Variants in LRRN1 observed in about 807,000 individuals in gnomAD.
LRRN1 encodes the protein leucine-rich repeat neuronal protein 1.
Under a neutral mutation model 45.8 loss-of-function variants are expected in LRRN1, and 14 were observed. The ratio of observed to expected loss-of-function variants is 0.31; its 90% CI spans 0.20 to 0.48. The LOEUF is 0.48. LRRN1 is among the 20% of genes least tolerant of loss of function. The probability of loss-of-function intolerance (pLI) is 0.99; values close to 1 mark genes in which losing one functional copy is unlikely to be tolerated. For missense variants in LRRN1, 789 were observed against 874.2 expected (o/e 0.90, Z 1.23); for synonymous variants, 359 against 330.1 (o/e 1.09, Z -0.95).
intron 1 of LRRN1, among the ~76,000 whole-genome samples, chr3:3,824,414 A>C (rs1472337778): frequency 6.6e-6 from 1 of 152,208 alleles, no homozygotes; most frequent in African/African-American, 2.4e-5. Context: ...AGAGAAATTT[A>C]ACTTACACAT....
Position 3,846,797 on chromosome 3 carries a change from G to C in LRRN1, c.*5G>C, listed in dbSNP as rs777216303. 1 of 1,581,666 alleles carries C rather than the reference G, an allele frequency of 6.3e-7. No homozygotes were observed. Among genetic ancestry groups the C allele is most frequent in the East Asian group, 2.2e-5 (1 of 44,532 alleles). ...AGAAGCTATTACATGTGGTAACTCA[G>C]AGGATATTTTGCTTCTGGTAGTAAG... On this transcript the variant is annotated 3_prime_UTR_variant, in exon 2 of 2. Transcript: ENST00000319331. The surrounding 1 kb of genome is among the most constrained non-coding windows in gnomAD (Gnocchi z 5.7).
intron 1 of LRRN1, chr3:3,804,113 T>G (rs1374610079): frequency 6.6e-6 from 1 of 152,236 alleles, no homozygotes; most frequent in African/African-American, 2.4e-5. Context: ...TTCTACTTTT[T>G]GAATGTTTTC....
At chr3:3,815,807 A>G (rs1692975302) in intron 1 of LRRN1, among the ~76,000 whole-genome samples, 1 of 152,170 alleles carries the variant, frequency 6.6e-6, no homozygotes, top group African/African-American at 2.4e-5. Context: ...CCTTAAATCA[A>G]AAACTCTACA....
chr3:3,821,950 C>A (rs1480642383), intron 1 of LRRN1, among the ~76,000 whole-genome samples: 1 of 152,152 alleles, frequency 6.6e-6, no homozygotes, highest in Non-Finnish European at 1.5e-5. Context: ...GTTCCTCACT[C>A]CATGAGATGC....
intron 1 of LRRN1, among the ~76,000 whole-genome samples, chr3:3,838,312 A>C (rs1048005276): frequency 1.3e-5 from 2 of 152,216 alleles, no homozygotes; most frequent in Admixed American, 1.3e-4. Context: ...AAGAAAATCA[A>C]GGCAATACCA....
At chr3:3,803,336 C>G (rs1037319603) in intron 1 of LRRN1, among the ~76,000 whole-genome samples, 2 of 152,148 alleles carry the variant, frequency 1.3e-5, no homozygotes, top group African/African-American at 4.8e-5. Flanking sequence ...GCTTTTTATA[C>G]CACCATAAGT....
chr3:3,810,222 CTAAA>C (rs1172540169), intron 1 of LRRN1, among the ~76,000 whole-genome samples: 12 of 152,008 alleles, frequency 7.9e-5, no homozygotes, highest in Non-Finnish European at 1.8e-4. Flanking sequence ...ATCACATTTT[CTAAA>C]TAAAGAGAAT....
intron 1 of LRRN1, among the ~76,000 whole-genome samples, chr3:3,818,046 G>A (rs1468696475): frequency 2.6e-5 from 4 of 152,186 alleles, no homozygotes; most frequent in Non-Finnish European, 5.9e-5. Context: ...TGGTGTATGT[G>A]TAGTGTTGAA....
rs572716175 is a variant in LRRN1 at position 3,811,639 on chromosome 3, A to G, written c.-279+11720A>G. On this transcript the variant is annotated intron_variant, in intron 1 of 1. Transcript: ENST00000319331. ...ATGTTACTGCTTTAGAGAGCTTATT[A>G]TAGAAAGTTGAACTCATTTGGGAAT... is the stretch of plus-strand genomic sequence containing the variant. Among the ~76,000 whole-genome samples the G allele has an allele frequency of 6.6e-5, 10 of 152,342 alleles. No individual in the cohort carries two copies. In the South Asian group the frequency reaches 1.9e-3, roughly 28 times the overall value.
intron 1 of LRRN1, among the ~76,000 whole-genome samples, chr3:3,814,595 C>A (rs1386026495): frequency 6.6e-6 from 1 of 152,062 alleles, no homozygotes; most frequent in Non-Finnish European, 1.5e-5. Flanking sequence ...AGAAGTGGGG[C>A]CTTTTGGGAA....
intron 1 of LRRN1, among the ~76,000 whole-genome samples, chr3:3,819,845 G>A (rs567424316): frequency 6.0e-4 from 92 of 152,150 alleles, no homozygotes; most frequent in Non-Finnish European, 1.3e-3. Context: ...AATGGTGTAG[G>A]CATTTTGTGC....
rs1405233965 is a variant in LRRN1 at position 3,845,355 on chromosome 3, G to A, written c.714G>A (p.Leu238=). Residue 238 remains leucine, a synonymous_variant, in exon 2 of 2, where the codon CTG becomes CTA. Transcript: ENST00000319331. This position sits in a 1 kb window ranked among gnomAD's most constrained non-coding sequence, Gnocchi z 6.5. The part of the protein sequence containing the change: ...TDIPGNALVG[L]DSLESLSFYD... Reference sequence around the variant, plus strand: ...TTCCTGGAAATGCTTTGGTGGGTCTGGATAGCCTTGAGAGCCTGTCTTTTT... The same window carrying A: ...TTCCTGGAAATGCTTTGGTGGGTCTAGATAGCCTTGAGAGCCTGTCTTTTT... The A allele has an allele frequency of 6.2e-7, 1 of 1,614,068 alleles. No homozygotes were observed. Among genetic ancestry groups the A allele is most frequent in the East Asian group, 2.2e-5 (1 of 44,872 alleles).
intron 1 of LRRN1, among the ~76,000 whole-genome samples, chr3:3,836,907 G>C (rs749705654): frequency 6.6e-6 from 1 of 152,136 alleles, no homozygotes; most frequent in Non-Finnish European, 1.5e-5. Flanking sequence ...AGATAGGATG[G>C]TATCTGCTGT....
intron 1 of LRRN1, among the ~76,000 whole-genome samples, chr3:3,825,612 C>T (rs1025606334): frequency 1.3e-5 from 2 of 152,140 alleles, no homozygotes; most frequent in African/African-American, 4.8e-5. Flanking sequence ...TTAGGAAACA[C>T]TGAATTTGGG....
At chr3:3,814,809 C>A (rs546808965) in intron 1 of LRRN1, among the ~76,000 whole-genome samples, 150 of 152,274 alleles carry the variant, frequency 9.9e-4, no homozygotes, top group African/African-American at 3.6e-3. Context: ...AGAAAGCAGT[C>A]CTCACCAGAC....
chr3:3,806,103 AG>A (rs1692750649), intron 1 of LRRN1, among the ~76,000 whole-genome samples: 1 of 152,094 alleles, frequency 6.6e-6, no homozygotes, highest in Non-Finnish European at 1.5e-5. Context: ...GGGTGGGATG[AG>A]GGTGTTATAC....
chr3:3,813,404 A>G (rs902903883), intron 1 of LRRN1, among the ~76,000 whole-genome samples: 1 of 152,210 alleles, frequency 6.6e-6, no homozygotes, highest in African/African-American at 2.4e-5. Flanking sequence ...GTATTGACTT[A>G]TAAGTAAATT....
Position 3,844,684 on chromosome 3 carries a change from C to G in LRRN1, c.43C>G (p.Leu15Val). The G allele has an allele frequency of 6.2e-7, 1 of 1,613,992 alleles. No individual in the cohort carries two copies. Among genetic ancestry groups the G allele is most frequent in the Non-Finnish European group, 8.5e-7 (1 of 1,179,918 alleles). Reference sequence around the variant, plus strand: ...TGTTATAGCAGCTTGCCAATTGGTGCTGGGCCTACTAATGACTTCATTAAC... The same window carrying G: ...TGTTATAGCAGCTTGCCAATTGGTGGTGGGCCTACTAATGACTTCATTAAC... ...SFVIAACQLV[L>V]GLLMTSLTES... Residue 15 changes from leucine (L) to valine (V), a missense_variant, in exon 2 of 2, where the codon CTG becomes GTG. Coordinates refer to ENST00000319331, the MANE Select transcript of LRRN1 (RefSeq NM_020873.7).
chr3:3,845,346 G>T lies in LRRN1; in HGVS notation c.705G>T (p.Leu235Phe). 6.2e-7 allele frequency: 1 copy of T among 1,614,070 alleles called. No homozygotes were observed. Among genetic ancestry groups the T allele is most frequent in the Non-Finnish European group, 8.5e-7 (1 of 1,180,004 alleles). The change falls in exon 2 of 2, where the codon TTG (leucine) becomes TTT (phenylalanine). Residue 235 changes from leucine (L) to phenylalanine (F), a missense_variant. Leu to Phe is a conservative substitution (Grantham distance 22, BLOSUM62 0). Coordinates refer to ENST00000319331, the MANE Select transcript of LRRN1 (RefSeq NM_020873.7). The surrounding 1 kb of genome is among the most constrained non-coding windows in gnomAD (Gnocchi z 6.5). ...TCACTGATATTCCTGGAAATGCTTT[G>T]GTGGGTCTGGATAGCCTTGAGAGCC... Reference protein sequence around the residue: ...MYLTDIPGNALVGLDSLESLS... With the variant: ...MYLTDIPGNAFVGLDSLESLS...
Sources: gnomAD v4.1 joint callset for allele counts (sites outside exome capture counted in the v4.1 genomes callset) on GRCh38, gnomAD v4.1.1 for gene constraint, Gnocchi (gnomAD v3.1) non-coding constraint, MANE v1.5 for transcripts, NCBI Gene and HGNC (gene_info 2026-07-23, HGNC 2026-07-21) for gene names.